MCM9: variants seen among roughly 807,000 people sequenced by gnomAD.
The protein encoded by MCM9 is minichromosome maintenance 9 homologous recombination repair factor, also known as DNA helicase MCM9.
Under a neutral mutation model 72.8 loss-of-function variants are expected in MCM9, and 55 were observed. The ratio of observed to expected loss-of-function variants is 0.76; its 90% CI spans 0.61 to 0.95. The LOEUF is 0.95. Among genes scored for constraint, MCM9 ranks in the 40% least tolerant of loss-of-function variants. The pLI, the probability that MCM9 is intolerant of heterozygous loss-of-function variation, is 0.00. For synonymous variants in MCM9, 480 were observed against 503.4 expected, an observed-to-expected ratio of 0.95 and a Z score of 0.62; for missense variants, 1,279 against 1,377.0, an observed-to-expected ratio of 0.93 and a Z score of 1.13.
intron 9 of MCM9, among the ~76,000 whole-genome samples, chr6:118,832,076 T>A (rs986089542): frequency 6.6e-6 from 1 of 152,136 alleles, no homozygotes; most frequent in Non-Finnish European, 1.5e-5. Context: ...TTATTTTTTT[T>A]AAAAGACATG....
intron 3 of MCM9, among the ~76,000 whole-genome samples, chr6:118,925,910 A>T (rs1248563159): frequency 6.6e-6 from 1 of 152,204 alleles, no homozygotes; most frequent in Non-Finnish European, 1.5e-5. Context: ...TACTTTAAAA[A>T]AAATATGAAT....
intron 8 of MCM9, among the ~76,000 whole-genome samples, chr6:118,898,648 C>G (rs192054516): frequency 1.4e-4 from 21 of 152,242 alleles, no homozygotes; most frequent in African/African-American, 4.8e-4. Context: ...GAACTCCTGA[C>G]CTCAAGCCAT....
chr6:118,919,347 T>C (rs1781243847), intron 5 of MCM9: 1 of 152,222 alleles, frequency 6.6e-6, no homozygotes, highest in South Asian at 2.1e-4. Flanking sequence ...TTGGGCAAAT[T>C]ACCTACCTTT....
At chr6:118,927,581 G>A (rs531297782) in intron 3 of MCM9, among the ~76,000 whole-genome samples, 1 of 151,782 alleles carries the variant, frequency 6.6e-6, no homozygotes, top group Non-Finnish European at 1.5e-5. Flanking sequence ...CTCCAGACTG[G>A]GCAACAAGAG....
chr6:118,858,865 C>A (rs1207521752), intron 8 of MCM9, among the ~76,000 whole-genome samples: 1 of 152,124 alleles, frequency 6.6e-6, no homozygotes, highest in Non-Finnish European at 1.5e-5. Flanking sequence ...CCAAACTGTT[C>A]TGTAGTTAAA....
At chr6:118,876,465 T>C (rs1473974926) in intron 8 of MCM9, among the ~76,000 whole-genome samples, 1 of 152,180 alleles carries the variant, frequency 6.6e-6, no homozygotes, top group African/African-American at 2.4e-5. Context: ...CTAGAGAAGG[T>C]TGTATGCATG....
At chr6:118,894,744 TGAGCGGAG>T (rs200062006) in intron 8 of MCM9, among the ~76,000 whole-genome samples, 5,940 of 152,302 alleles carry the variant, frequency 0.039, 249 homozygotes, top group African/African-American at 0.11. Context: ...GGAACTTGTT[TGAGCGGAG>T]GAGCGGAGGT....
At chr6:118,881,857 G>A (rs1778307859) in intron 8 of MCM9, among the ~76,000 whole-genome samples, 2 of 152,178 alleles carry the variant, frequency 1.3e-5, no homozygotes, top group Admixed American at 6.5e-5. Flanking sequence ...CTTAAATCAT[G>A]ACCTGCTTCC....
In MCM9 at chr6:118,931,724, C is replaced by T. The variant is rs750913698; in HGVS notation, c.-1G>A. 1.3e-6 allele frequency: 2 copies of T among 1,599,550 alleles called. No homozygotes were observed. Among genetic ancestry groups the T allele is most frequent in the South Asian group, 2.3e-5 (2 of 88,788 alleles). On this transcript the variant is annotated 5_prime_UTR_variant, in exon 3 of 14. Coordinates refer to ENST00000619706, the MANE Select transcript of MCM9 (RefSeq NM_017696.3). ...CCAGTGTAACTTGATCGCTATTCAT[C>T]TTGAATCTAGGTAACTAAAGAAAAA...
intron 9 of MCM9, among the ~76,000 whole-genome samples, chr6:118,840,331 G>A (rs1028859360): frequency 3.3e-5 from 5 of 151,956 alleles, no homozygotes; most frequent in African/African-American, 1.2e-4. Context: ...TATAAGGATG[G>A]GACTCTCTGA....
In MCM9 at chr6:118,814,704, T is replaced by C; in HGVS notation, c.*120A>G. 1.0e-6 allele frequency: 1 copy of C among 955,724 alleles called. No homozygotes were observed. The highest frequency in any genetic ancestry group is 2.1e-5 in the South Asian group (1 of 47,870). The allele number at this position is 955,724 out of a possible 1,614,324, so 59.2% of individuals were successfully genotyped here. A position where few individuals can be genotyped will look rare whatever the true frequency, so the allele number is the denominator to read the frequency against. On this transcript the variant is annotated 3_prime_UTR_variant, in exon 14 of 14. Transcript: ENST00000619706. ...TTAGAAAGCCTTAAGGGGGAGCCAGTATTCAGAGTGATCCTCAATATGGCC... is the reference window on the plus strand; with the variant it reads ...TTAGAAAGCCTTAAGGGGGAGCCAGCATTCAGAGTGATCCTCAATATGGCC...
At chr6:118,879,988 A>G (rs968057366) in intron 8 of MCM9, among the ~76,000 whole-genome samples, 2 of 151,798 alleles carry the variant, frequency 1.3e-5, no homozygotes, top group Non-Finnish European at 2.9e-5. Context: ...AGCCGAGCTC[A>G]TGCACTGCAC....
At chr6:118,832,061 C>T in intron 9 of MCM9, among the ~76,000 whole-genome samples, 1 of 152,070 alleles carries the variant, frequency 6.6e-6, no homozygotes, top group Non-Finnish European at 1.5e-5. Context: ...ACTTATTTGC[C>T]TTACTTATTT....
chr6:118,875,760 A>G (rs1459297850), intron 8 of MCM9, among the ~76,000 whole-genome samples: 1 of 152,216 alleles, frequency 6.6e-6, no homozygotes, highest in East Asian at 1.9e-4. Context: ...GTGGAGCAAC[A>G]GGAATTGTCA....
rs1305333440 is a variant in MCM9 at position 118,910,431 on chromosome 6, G to A, written c.1150+1219C>T. ...GGATTATGATCTTTGCATTAAAAAG[G>A]AGGAAATGTGCTAATATACTTTTAT... is the stretch of plus-strand genomic sequence containing the variant. On this transcript the variant is annotated intron_variant, in intron 8 of 13. Transcript: ENST00000619706. Among the ~76,000 whole-genome samples, 6 of 152,198 alleles carry A rather than the reference G, an allele frequency of 3.9e-5. No homozygotes were observed. The East Asian group carries it at 7.7e-4, about 20-fold the overall frequency.
intron 9 of MCM9, among the ~76,000 whole-genome samples, chr6:118,841,814 G>C (rs1286005475): frequency 6.6e-6 from 1 of 150,988 alleles, no homozygotes; most frequent in East Asian, 1.9e-4. Flanking sequence ...CGTCTACTGA[G>C]CAAAACAAGA....
intron 3 of MCM9, among the ~76,000 whole-genome samples, chr6:118,926,025 A>G (rs562971328): frequency 1.3e-5 from 2 of 152,320 alleles, no homozygotes; most frequent in East Asian, 1.9e-4. Flanking sequence ...AACCATCACC[A>G]CTAATTCCAG....
rs555476309 is a variant in MCM9, at chr6:118,854,335, G to C, written c.1325+2036C>G. Among the ~76,000 whole-genome samples, 5 of 152,202 alleles carry C rather than the reference G, an allele frequency of 3.3e-5. 1 individual carries two copies. The South Asian group carries it at 1.0e-3, about 32-fold the overall frequency. ...AACACTGTCTTTCACCATGAAGTAT[G>C]AGACGCAGGTGTTTTTTGTTGTTGT... On this transcript the variant is annotated intron_variant, in intron 9 of 13. Coordinates refer to ENST00000619706, the MANE Select transcript of MCM9 (RefSeq NM_017696.3).
chr6:118,903,977 T>C lies in MCM9; in HGVS notation c.1150+7673A>G, dbSNP rs546746449. On this transcript the variant is annotated intron_variant, in intron 8 of 13. Coordinates refer to ENST00000619706, the MANE Select transcript of MCM9 (RefSeq NM_017696.3). ...GTTAAAGGAGGTATGAATGGAGATATTGGCTGGAGACAAACTGAGAAGGGC... is the reference window on the plus strand; with the variant it reads ...GTTAAAGGAGGTATGAATGGAGATACTGGCTGGAGACAAACTGAGAAGGGC... Among the ~76,000 whole-genome samples the C allele has an allele frequency of 1.8e-4, 27 of 152,176 alleles. No homozygotes were observed. The South Asian group carries it at 5.6e-3, about 32-fold the overall frequency.
Sources: allele counts gnomAD v4.1 joint callset (sites outside exome capture counted in the v4.1 genomes callset), GRCh38; gene constraint gnomAD v4.1.1; transcripts MANE v1.5; gene names NCBI Gene and HGNC (gene_info 2026-07-23, HGNC 2026-07-21).